Variants in GRM7 observed in about 807,000 individuals in gnomAD.
GRM7 encodes glutamate metabotropic receptor 7.
GRM7 carries 35 observed loss-of-function variants against 84.5 expected under a neutral mutation model. The ratio of observed to expected loss-of-function variants is 0.41; its 90% CI spans 0.32 to 0.55. GRM7 has a LOEUF of 0.55. GRM7 is among the 20% of genes least tolerant of loss of function. The pLI, the probability that GRM7 is intolerant of heterozygous loss-of-function variation, is 0.19. For synonymous variants in GRM7, 487 were observed against 455.1 expected (o/e 1.07, Z -0.89); for missense variants, 1,003 against 1,194.6 (o/e 0.84, Z 2.36).
rs1701415404 is a variant in GRM7 at position 7,707,077 on chromosome 3, AT to A, written c.2698+26783del. ...AATGAGAGTATAAGCTTATAGAAAA[AT>A]ATGCTACTTTTCTCATAATAAGCAG... On this transcript the variant is annotated intron_variant, in intron 9 of 9. Coordinates refer to ENST00000357716, the MANE Select transcript of GRM7 (RefSeq NM_000844.4). 2.0e-5 allele frequency among the ~76,000 whole-genome samples: 3 copies of A among 152,322 alleles called. No homozygotes were observed. In the South Asian group the frequency reaches 6.2e-4, roughly 32 times the overall value.
chr3:7,200,445 G>A (rs191257309), intron 2 of GRM7, among the ~76,000 whole-genome samples: 20 of 152,282 alleles, frequency 1.3e-4, no homozygotes, highest in Admixed American at 3.3e-4. Context: ...AATAATGTGG[G>A]CATCTTGATA....
chr3:7,542,461 T>G (rs562200383), intron 7 of GRM7, among the ~76,000 whole-genome samples: 1 of 152,318 alleles, frequency 6.6e-6, no homozygotes, highest in African/African-American at 2.4e-5. Flanking sequence ...TCCTCTGAGA[T>G]GTGTTTTCTA....
intron 1 of GRM7, among the ~76,000 whole-genome samples, chr3:6,971,946 G>A (rs150931429): frequency 6.6e-6 from 1 of 152,216 alleles, no homozygotes; most frequent in African/African-American, 2.4e-5. Flanking sequence ...TTAAAGAAAT[G>A]ATTAATAATA....
Position 7,579,239 on chromosome 3 carries a change from G to T in GRM7, c.2333G>T (p.Arg778Leu). The part of the protein sequence containing the change: ...VTCTVYAIKT[R>L]GVPENFNEAK... Reference sequence around the variant, plus strand: ...TGTACTGTGTATGCCATCAAGACTCGGGGTGTACCCGAGAATTTTAACGAA... The same window carrying T: ...TGTACTGTGTATGCCATCAAGACTCTGGGTGTACCCGAGAATTTTAACGAA... The change falls in exon 8 of 10, where the codon CGG becomes CTG. Residue 778 changes from arginine (R) to leucine (L), a missense_variant. By Grantham distance (102) the Arg-to-Leu change is moderately radical. This residue lies in a region of GRM7 where 910 missense variants were observed against 1,126.0 expected (regional missense o/e 0.81). Transcript: ENST00000357716. The T allele has an allele frequency of 6.2e-7, 1 of 1,613,504 alleles. No homozygotes were observed. The highest frequency in any genetic ancestry group is 8.5e-7 in the Non-Finnish European group (1 of 1,179,498).
chr3:7,306,408 T>C (rs1700195454), intron 3 of GRM7, 90 bp from the exon 4 acceptor site: 1 of 1,086,612 alleles, frequency 9.2e-7, no homozygotes, highest in African/African-American at 1.6e-5. Context: ...TGAGGAAGAA[T>C]AGTACCTTTC....
chr3:7,421,916 TAAAAAAA>T (rs773501237), intron 5 of GRM7, among the ~76,000 whole-genome samples: 1 of 78,822 alleles, frequency 1.3e-5, no homozygotes, highest in Non-Finnish European at 2.7e-5. Context: ...CTACAAACAG[TAAAAAAA>T]AAAAAAAAAA....
At chr3:6,890,680 G>T (rs1559310012) in intron 1 of GRM7, among the ~76,000 whole-genome samples, 1 of 152,060 alleles carries the variant, frequency 6.6e-6, no homozygotes, top group Admixed American at 6.6e-5. Flanking sequence ...AATAGGTGTG[G>T]TGTGGTGCTG....
intron 8 of GRM7, among the ~76,000 whole-genome samples, chr3:7,608,905 A>G (rs755877215): frequency 5.3e-4 from 80 of 152,178 alleles, no homozygotes; most frequent in Non-Finnish European, 9.3e-4. Context: ...GATGTAAGAA[A>G]GGGGTCCAGC....
chr3:7,468,845 C>T lies in GRM7; in HGVS notation c.1515+7123C>T, dbSNP rs1198227505. ...CCATACAAAGAAGGTCCTTGCTACC[C>T]CTTCACGACTGTGAATTTTCTGAGG... is the stretch of plus-strand genomic sequence containing the variant. On this transcript the variant is annotated intron_variant, in intron 7 of 9. Coordinates refer to ENST00000357716, the MANE Select transcript of GRM7 (RefSeq NM_000844.4). Among the ~76,000 whole-genome samples, 3 of 152,180 alleles carry T rather than the reference C, an allele frequency of 2.0e-5. No homozygotes were observed. The South Asian group carries it at 6.2e-4, about 32-fold the overall frequency.
intron 1 of GRM7, among the ~76,000 whole-genome samples, chr3:6,990,685 A>G (rs1433291081): frequency 6.6e-6 from 1 of 152,120 alleles, no homozygotes; most frequent in Non-Finnish European, 1.5e-5. Context: ...ACACTCTCCA[A>G]TTAGTACCTC....
At chr3:7,437,936 A>G (rs1575335285) in intron 5 of GRM7, among the ~76,000 whole-genome samples, 1 of 152,110 alleles carries the variant, frequency 6.6e-6, no homozygotes, top group African/African-American at 2.4e-5. Context: ...CAAATAGAAG[A>G]AAGAGGAAAT....
intron 2 of GRM7, among the ~76,000 whole-genome samples, chr3:7,282,364 A>G (rs761551277): frequency 1.3e-5 from 2 of 152,174 alleles, no homozygotes; most frequent in Non-Finnish European, 2.9e-5. Context: ...TGCCTTTTCC[A>G]GATTGTAGAG....
intron 4 of GRM7, among the ~76,000 whole-genome samples, chr3:7,387,199 G>A (rs1387396118): frequency 1.3e-5 from 2 of 152,106 alleles, no homozygotes; most frequent in Admixed American, 6.5e-5. Flanking sequence ...TCCTCTGTTC[G>A]ATGCATAGTT....
intron 6 of GRM7, among the ~76,000 whole-genome samples, chr3:7,461,179 G>A (rs1490532747): frequency 6.6e-6 from 1 of 151,968 alleles, no homozygotes; most frequent in African/African-American, 2.4e-5. Flanking sequence ...TTTTGAAATT[G>A]TTCTTTACTG....
At chr3:7,719,794 A>ACACACG (rs1701881969) in intron 9 of GRM7, among the ~76,000 whole-genome samples, 1 of 149,348 alleles carries the variant, frequency 6.7e-6, no homozygotes, top group Admixed American at 6.6e-5. Context: ...ACACACACAC[A>ACACACG]CACACACACA....
intron 2 of GRM7, among the ~76,000 whole-genome samples, chr3:7,243,646 A>G: frequency 6.6e-6 from 1 of 152,090 alleles, no homozygotes; most frequent in East Asian, 1.9e-4. Flanking sequence ...CACGTGCTCT[A>G]CCTTTGTGTC....
intron 1 of GRM7, among the ~76,000 whole-genome samples, chr3:7,133,355 A>G (rs545370233): frequency 1.2e-4 from 19 of 152,304 alleles, no homozygotes; most frequent in Admixed American, 1.1e-3. Context: ...TCCACCCCCA[A>G]TACCACGCAC....
chr3:7,488,301 G>T (rs1699395903), intron 7 of GRM7, among the ~76,000 whole-genome samples: 1 of 152,152 alleles, frequency 6.6e-6, no homozygotes, highest in Admixed American at 6.5e-5. Context: ...ACTATGAGGA[G>T]AATGTGAATT....
intron 8 of GRM7, among the ~76,000 whole-genome samples, chr3:7,637,940 T>C (rs948962024): frequency 6.6e-5 from 10 of 152,336 alleles, no homozygotes; most frequent in Middle Eastern, 3.4e-3. Flanking sequence ...CTCAGTAAGC[T>C]GTGTTTGCCC....
Sources: allele counts gnomAD v4.1 joint callset (sites outside exome capture counted in the v4.1 genomes callset), GRCh38; gene constraint gnomAD v4.1.1; regional missense constraint gnomAD v4.1.1; transcripts MANE v1.5; gene names NCBI Gene and HGNC (gene_info 2026-07-23, HGNC 2026-07-21).